PRMT8: variants seen among roughly 807,000 people sequenced by gnomAD.
PRMT8 encodes protein arginine N-methyltransferase 8.
In PRMT8, 7 loss-of-function variants were observed where a neutral mutation model predicts 47.1. The observed-to-expected ratio is 0.15, with a 90% CI of 0.08 to 0.28. The LOEUF (loss-of-function observed/expected upper bound fraction) is 0.28, where lower values mean the gene tolerates loss of function less well. Ranked by LOEUF, PRMT8 falls within the 10% of genes least tolerant of loss-of-function variation. The pLI, the probability that PRMT8 is intolerant of heterozygous loss-of-function variation, is 1.00. For missense variants in PRMT8, 237 were observed against 505.4 expected (o/e 0.47, Z 5.09); for synonymous variants, 188 against 186.5 (o/e 1.01, Z -0.07).
At chr12:3,459,876 C>T (rs1279625459) in intron 1 of PRMT8, among the ~76,000 whole-genome samples, 2 of 152,162 alleles carry the variant, frequency 1.3e-5, no homozygotes, top group Non-Finnish European at 2.9e-5. Context: ...AGTCCCTCTT[C>T]AGATGCTCCA....
chr12:3,410,885 G>C (rs976242883), intron 1 of PRMT8, among the ~76,000 whole-genome samples: 1 of 152,132 alleles, frequency 6.6e-6, no homozygotes, highest in Non-Finnish European at 1.5e-5. Context: ...AGCCCTCTAG[G>C]CTTCTTTATT....
intron 1 of PRMT8, among the ~76,000 whole-genome samples, chr12:3,427,750 A>G (rs573732583): frequency 2.0e-5 from 3 of 152,164 alleles, no homozygotes; most frequent in Non-Finnish European, 2.9e-5. Flanking sequence ...ACAAATATAC[A>G]TATTTTAAAC....
chr12:3,515,337 G>C (rs1865774241), intron 1 of PRMT8, among the ~76,000 whole-genome samples: 1 of 152,208 alleles, frequency 6.6e-6, no homozygotes, highest in Non-Finnish European at 1.5e-5. Flanking sequence ...CCCTGGGCCA[G>C]TAGCATCAGC....
At chr12:3,496,214 A>ATATATATATATATATATATATATAT in intron 1 of PRMT8, among the ~76,000 whole-genome samples, 1 of 27,752 alleles carries the variant, frequency 3.6e-5, no homozygotes, top group Admixed American at 7.4e-4. Context: ...ATATATATAT[A>ATATATATATATATATATATATATAT]TTTTTTTTTT....
At chr12:3,568,574 G>T in intron 4 of PRMT8, 132 bp from the exon 5 acceptor site, 4 of 972,988 alleles carry the variant, frequency 4.1e-6, no homozygotes, top group Non-Finnish European at 6.1e-6. Context: ...TTGGTAAAGG[G>T]TGAGCTACAT....
rs1866687716 is a variant in PRMT8, at chr12:3,564,562, C to T, written c.482-4144C>T. 6.6e-6 allele frequency among the ~76,000 whole-genome samples: 1 copy of T among 152,232 alleles called. No individual in the cohort carries two copies. Among genetic ancestry groups the T allele is most frequent in the Non-Finnish European group, 1.5e-5 (1 of 68,038 alleles). On this transcript the variant is annotated intron_variant, in intron 4 of 9. Transcript: ENST00000382622. This position sits in a 1 kb window ranked among gnomAD's most constrained non-coding sequence, Gnocchi z 4.0. ...TTCCCAATTTAGAGTCTATTGCTCC[C>T]TGCTGTGCATTTAGTTCTGATTAAT... is the stretch of plus-strand genomic sequence containing the variant.
intron 1 of PRMT8, among the ~76,000 whole-genome samples, chr12:3,392,264 GGTTA>G (rs966009569): frequency 5.1e-4 from 77 of 151,642 alleles, no homozygotes; most frequent in Non-Finnish European, 6.8e-4. Flanking sequence ...ACAATGTGCA[GGTTA>G]GTTACATATG....
At chr12:3,509,519 A>G (rs11062690) in intron 1 of PRMT8, among the ~76,000 whole-genome samples, 15,763 of 152,210 alleles carry the variant, frequency 0.1, 1,029 homozygotes, top group African/African-American at 0.18. Context: ...GACACTGTTT[A>G]TGCTCTTTAC....
chr12:3,493,724 A>G lies in PRMT8; in HGVS notation c.75+2024A>G, dbSNP rs1036379964. Among the ~76,000 whole-genome samples, 1 of 152,236 alleles carries G rather than the reference A, an allele frequency of 6.6e-6. No individual in the cohort carries two copies. On this transcript the variant is annotated intron_variant, in intron 1 of 9. Transcript: ENST00000382622. This position sits in a 1 kb window ranked among gnomAD's most constrained non-coding sequence, Gnocchi z 8.2. ...CGCTCCCCCTTCTCAGCAGTTGCAC[A>G]TGCCAGCTCTGCTGAAGGCATCAAT...
intron 1 of PRMT8, among the ~76,000 whole-genome samples, chr12:3,402,719 G>A (rs1342156627): frequency 6.6e-6 from 1 of 152,102 alleles, no homozygotes; most frequent in Non-Finnish European, 1.5e-5. Context: ...ATGAGAAAAA[G>A]CTCAACATCC....
intron 1 of PRMT8, among the ~76,000 whole-genome samples, chr12:3,452,076 C>T (rs1864924313): frequency 6.6e-6 from 1 of 152,060 alleles, no homozygotes; most frequent in Non-Finnish European, 1.5e-5. Flanking sequence ...GACAGCTGAG[C>T]TGAGAAAATG....
At chr12:3,555,192 T>A (rs1405786216) in intron 4 of PRMT8, among the ~76,000 whole-genome samples, 2 of 152,092 alleles carry the variant, frequency 1.3e-5, no homozygotes, top group Non-Finnish European at 2.9e-5. Context: ...TTACAGATAA[T>A]AAATAAAGAA....
chr12:3,409,110 C>T lies in PRMT8; in HGVS notation c.48+27668C>T, dbSNP rs187290617. Among the ~76,000 whole-genome samples, 12 of 152,092 alleles carry T rather than the reference C, an allele frequency of 7.9e-5. No homozygotes were observed. The East Asian group carries it at 2.1e-3, about 27-fold the overall frequency. On this transcript the variant is annotated intron_variant, in intron 1 of 9. Coordinates refer to the PRMT8 transcript ENST00000452611. The surrounding 1 kb of genome is among the most constrained non-coding windows in gnomAD (Gnocchi z 4.4). ...AGGCTCTCACAAACCTACTGTGGCA[C>T]CTGGGACTTGGGGTGAAGGTTCACT...
rs142750606 is a variant in PRMT8 at position 3,440,103 on chromosome 12, A to G, written c.48+58661A>G. On this transcript the variant is annotated intron_variant, in intron 1 of 9. Transcript: ENST00000452611. Reference sequence around the variant, plus strand: ...GGTCTTTACATGGGGGTCCCCACACAGACCATTAAGGTGCAAAATGAAGAT... The same window carrying G: ...GGTCTTTACATGGGGGTCCCCACACGGACCATTAAGGTGCAAAATGAAGAT... 6.0e-3 allele frequency among the ~76,000 whole-genome samples: 911 copies of G among 152,352 alleles called. 9 individuals carry two copies. Among genetic ancestry groups the G allele is most frequent in the African/African-American group, 0.021 (869 of 41,586 alleles).
chr12:3,415,758 C>T (rs993112734), intron 1 of PRMT8, among the ~76,000 whole-genome samples: 1 of 152,204 alleles, frequency 6.6e-6, no homozygotes, highest in African/African-American at 2.4e-5. Context: ...TTCTCCAAAC[C>T]CCTCACTGTC....
rs576310262 is a variant in PRMT8, at chr12:3,491,572, C to G, written c.-54C>G. On this transcript the variant is annotated 5_prime_UTR_variant, in exon 1 of 10. Transcript: ENST00000382622. ...CTCGCTCTCTCTTTTAAAGCGACAC[C>G]AGCTCTCTCTCCTCCTCTACTATCT... 5 of 1,573,472 alleles carry G rather than the reference C, an allele frequency of 3.2e-6. No individual in the cohort carries two copies. Among genetic ancestry groups the G allele is most frequent in the East Asian group, 4.5e-5 (2 of 44,172 alleles).
At chr12:3,422,238 T>A (rs1864550020) in intron 1 of PRMT8, among the ~76,000 whole-genome samples, 1 of 152,240 alleles carries the variant, frequency 6.6e-6, no homozygotes, top group African/African-American at 2.4e-5. Context: ...AGGTGTCAGC[T>A]CCACCTGCCA....
At chr12:3,497,989 T>C (rs892515848) in intron 1 of PRMT8, among the ~76,000 whole-genome samples, 10 of 152,182 alleles carry the variant, frequency 6.6e-5, no homozygotes, top group Admixed American at 2.0e-4. Context: ...ACGTAGCATC[T>C]CATTTATTGT....
intron 1 of PRMT8, among the ~76,000 whole-genome samples, chr12:3,540,074 T>C (rs1027978548): frequency 6.6e-6 from 1 of 152,160 alleles, no homozygotes; most frequent in Non-Finnish European, 1.5e-5. Context: ...AAATACAAAC[T>C]TGTCTAATCC....
Sources: allele counts gnomAD v4.1 joint callset (sites outside exome capture counted in the v4.1 genomes callset), GRCh38; gene constraint gnomAD v4.1.1; non-coding constraint Gnocchi (gnomAD v3.1); transcripts MANE v1.5; gene names NCBI Gene and HGNC (gene_info 2026-07-23, HGNC 2026-07-21).